Variants in GVQW3 observed in about 807,000 individuals in gnomAD.
GVQW3 encodes protein GVQW3.
In GVQW3, 7 loss-of-function variants were observed where a neutral mutation model predicts 12.5. The observed-to-expected ratio is 0.56, with a 90% confidence interval of 0.32 to 1.05. The LOEUF (loss-of-function observed/expected upper bound fraction) is 1.05. Ranked by LOEUF, GVQW3 falls within the 50% of genes least tolerant of loss-of-function variation. The pLI is 0.04. For missense variants in GVQW3, 188 were observed against 190.8 expected (o/e 0.99, Z 0.09); for synonymous variants, 71 against 67.2 (o/e 1.06, Z -0.28).
intron 1 of GVQW3, among the ~76,000 whole-genome samples, chr11:76,393,732 T>G (rs1946914894): frequency 1.3e-5 from 2 of 152,058 alleles, no homozygotes; most frequent in Non-Finnish European, 2.9e-5. Flanking sequence ...TAGCTTTAGC[T>G]TTTGTGGATA....
chr11:76,410,555 G>A (rs140883400), downstream of GVQW3, among the ~76,000 whole-genome samples: 1,291 of 152,230 alleles, frequency 8.5e-3, 11 homozygotes, highest in Middle Eastern at 0.031. Flanking sequence ...GAATGAATGT[G>A]TGAATGAATG....
At chr11:76,399,021 T>C (rs1052662304) in intron 1 of GVQW3, among the ~76,000 whole-genome samples, 3 of 152,260 alleles carry the variant, frequency 2.0e-5, no homozygotes, top group African/African-American at 7.2e-5. Context: ...TTTGATAATC[T>C]GTCCCTTGTC....
chr11:76,399,164 C>T (rs760877164), intron 1 of GVQW3, among the ~76,000 whole-genome samples: 12 of 151,572 alleles, frequency 7.9e-5, no homozygotes, highest in Admixed American at 1.3e-4. Flanking sequence ...ACTTGAGACA[C>T]GGTCTCACTC....
Position 76,381,631 on chromosome 11 carries a change from T to A in GVQW3, c.-198T>A, listed in dbSNP as rs1273321880. The A allele has an allele frequency of 3.7e-6, 2 of 539,716 alleles. No individual in the cohort carries two copies. The highest frequency in any genetic ancestry group is 6.4e-6 in the Non-Finnish European group (2 of 311,300). The allele number at this position is 539,716 out of a possible 1,614,324, so 33.4% of individuals were successfully genotyped here. A position where few individuals can be genotyped will look rare whatever the true frequency, so the allele number is the denominator to read the frequency against. On this transcript the variant is annotated 5_prime_UTR_variant, in exon 1 of 2. Coordinates refer to ENST00000529331, the MANE Select transcript of GVQW3 (RefSeq NM_001347885.2). ...CCCAGCTTTGCAGCGACTGTTGGCT[T>A]CCCAGAACGGATCTCCCCAGCCTCG...
At position 76,381,533 on chromosome 11, in the gene GVQW3, G is replaced by T. The variant is rs997696184; in HGVS notation, c.-296G>T. ...GGGCCGCGGAATCGGAGCGACCTTG[G>T]TGACTGGCAAACTCTCGGCAGATGT... On this transcript the variant is annotated 5_prime_UTR_variant, in exon 1 of 2. Coordinates refer to ENST00000529331, the MANE Select transcript of GVQW3 (RefSeq NM_001347885.2). 24 of 321,608 alleles carry T rather than the reference G, an allele frequency of 7.5e-5. No homozygotes were observed. Among genetic ancestry groups the T allele is most frequent in the South Asian group, 4.5e-4 (7 of 15,530 alleles). The allele number at this position is 321,608 out of a possible 1,614,324, so 19.9% of individuals were successfully genotyped here.
chr11:76,387,014 A>G (rs1946841015), intron 1 of GVQW3, among the ~76,000 whole-genome samples: 1 of 152,252 alleles, frequency 6.6e-6, no homozygotes, highest in Non-Finnish European at 1.5e-5. Context: ...GTGCAAAAGT[A>G]GACATAGTTA....
rs181402887 is a variant in GVQW3, at chr11:76,385,047, T to C, written c.465+2754T>C. ...ACTTCTGGATTTTATTCCAGTCCTA[T>C]GAACAGGGCTGGTATGTCCCTGCCA... is the stretch of plus-strand genomic sequence containing the variant. On this transcript the variant is annotated intron_variant, in intron 1 of 1. Transcript: ENST00000529331. Among the ~76,000 whole-genome samples, 499 of 152,302 alleles carry C rather than the reference T, an allele frequency of 3.3e-3. 1 individual carries two copies. The highest frequency in any genetic ancestry group is 5.3e-3 in the Non-Finnish European group (362 of 68,024).
intron 1 of GVQW3, among the ~76,000 whole-genome samples, chr11:76,400,900 A>G (rs1425269008): frequency 6.6e-6 from 1 of 151,918 alleles, no homozygotes; most frequent in East Asian, 1.9e-4. Flanking sequence ...ATGTAGGTTA[A>G]CTCATCTTTG....
In GVQW3 at chr11:76,403,999, C is replaced by A; in HGVS notation, c.*241C>A. The A allele has an allele frequency of 3.0e-6, 2 of 658,740 alleles. No homozygotes were observed. Among genetic ancestry groups the A allele is most frequent in the Non-Finnish European group, 2.8e-6 (1 of 357,596 alleles). 40.8% of individuals were successfully genotyped at this position (658,740 alleles called of 1,614,324 possible). On this transcript the variant is annotated 3_prime_UTR_variant, in exon 2 of 2. Transcript: ENST00000529331. Reference sequence around the variant, plus strand: ...ATTACTCGGTCTACCAATTCAAATGCTAATCTCTTCCGGAAACATCCCCAC... The same window carrying A: ...ATTACTCGGTCTACCAATTCAAATGATAATCTCTTCCGGAAACATCCCCAC...
At chr11:76,409,995 G>C (rs1163515171), downstream of GVQW3, among the ~76,000 whole-genome samples, 4 of 152,144 alleles carry the variant, frequency 2.6e-5, no homozygotes, top group African/African-American at 9.7e-5. Context: ...AGTGGCTCAT[G>C]CCTGTAATTC....
At chr11:76,397,570 G>C (rs1195380188) in intron 1 of GVQW3, among the ~76,000 whole-genome samples, 1 of 152,144 alleles carries the variant, frequency 6.6e-6, no homozygotes, top group Non-Finnish European at 1.5e-5. Context: ...CACTTGGTAG[G>C]GTTGGGGATC....
At chr11:76,402,946 T>C (rs940285608) in intron 1 of GVQW3, among the ~76,000 whole-genome samples, 2 of 145,572 alleles carry the variant, frequency 1.4e-5, no homozygotes, top group African/African-American at 4.9e-5. Context: ...GTTTGTTTGT[T>C]TATTTATTTA....
chr11:76,402,786 ACC>A, intron 1 of GVQW3, among the ~76,000 whole-genome samples: 1 of 151,194 alleles, frequency 6.6e-6, no homozygotes, highest in Middle Eastern at 3.4e-3. Flanking sequence ...TGGTGCAATC[ACC>A]CAGGCTCAAT....
intron 1 of GVQW3, chr11:76,392,784 CTGT>C (rs1946905338): frequency 6.6e-6 from 1 of 152,208 alleles, no homozygotes; most frequent in Non-Finnish European, 1.5e-5. Flanking sequence ...TGTTGGCATT[CTGT>C]CATCCATTTT....
rs192599050 is a variant in GVQW3, at chr11:76,389,497, A to G, written c.465+7204A>G. ...GGACAGAAGGGAAAAGGACCTGCCC[A>G]GGAGGAGAAGGGACCGTGTGACTAT... On this transcript the variant is annotated intron_variant, in intron 1 of 1. Transcript: ENST00000529331. Among the ~76,000 whole-genome samples, 51 of 152,338 alleles carry G rather than the reference A, an allele frequency of 3.3e-4. 1 individual carries two copies. Among genetic ancestry groups the G allele is most frequent in the African/African-American group, 1.2e-3 (48 of 41,570 alleles).
rs1183709104 is a variant in GVQW3, at chr11:76,382,053, C to T, written c.225C>T (p.Ile75=). 2.0e-6 allele frequency: 3 copies of T among 1,536,520 alleles called. No homozygotes were observed. The South Asian group carries it at 3.6e-5, about 18-fold the overall frequency. ...RPVTHRTDDN[I]QKVKDLVCSN... ...TCACCCACCGAACAGATGACAATAT[C>T]CAGAAGGTCAAGGACTTGGTTTGTT... Residue 75 remains isoleucine, a synonymous_variant, in exon 1 of 2, where the codon ATC becomes ATT. Transcript: ENST00000529331.
downstream of GVQW3, chr11:76,414,619 C>CAAAAAAAA (rs33977692): frequency 1.7e-5 from 2 of 119,584 alleles, no homozygotes; most frequent in African/African-American, 6.5e-5. Flanking sequence ...ATGGTCCCCA[C>CAAAAAAAA]AAAAAAAAAA....
At chr11:76,402,959 TA>T (rs149856546) in intron 1 of GVQW3, among the ~76,000 whole-genome samples, 23,436 of 151,890 alleles carry the variant, frequency 0.15, 2,377 homozygotes, top group East Asian at 0.29. Flanking sequence ...TTTATTTATT[TA>T]TTTTTGAGAC....
intron 1 of GVQW3, among the ~76,000 whole-genome samples, chr11:76,398,996 G>A (rs1269577744): frequency 3.3e-5 from 5 of 152,160 alleles, no homozygotes; most frequent in African/African-American, 9.7e-5. Context: ...TGATTTCATT[G>A]TAGTTAACAT....
Sources: gnomAD v4.1 joint callset for allele counts (sites outside exome capture counted in the v4.1 genomes callset) on GRCh38, gnomAD v4.1.1 for gene constraint, MANE v1.5 for transcripts, NCBI Gene and HGNC (gene_info 2026-07-23, HGNC 2026-07-21) for gene names.